CSMD1: variants seen among roughly 807,000 people sequenced by gnomAD.
The protein encoded by CSMD1 is CUB and sushi domain-containing protein 1.
Under a neutral mutation model 417.5 loss-of-function variants are expected in CSMD1, and 213 were observed. The observed-to-expected ratio is 0.51, with a 90% confidence interval of 0.46 to 0.57. The LOEUF (loss-of-function observed/expected upper bound fraction) is 0.57, where lower values mean the gene tolerates loss of function less well. CSMD1 is among the 20% of genes least tolerant of loss of function. The pLI is 0.00. For synonymous variants in CSMD1, 2,862 were observed against 1,736.8 expected, an observed-to-expected ratio of 1.65 and a Z score of -16.11; for missense variants, 6,923 against 4,529.7, an observed-to-expected ratio of 1.53 and a Z score of -15.17.
At chr8:4,152,345 G>C (rs533598568) in intron 3 of CSMD1, among the ~76,000 whole-genome samples, 9 of 152,158 alleles carry the variant, frequency 5.9e-5, no homozygotes, top group South Asian at 2.1e-4. Context: ...AAATCAGGTA[G>C]ACACGTAAGC....
intron 5 of CSMD1, among the ~76,000 whole-genome samples, chr8:3,987,735 C>T (rs953409158): frequency 6.6e-6 from 1 of 152,128 alleles, no homozygotes; most frequent in Non-Finnish European, 1.5e-5. Context: ...GCATAAAGTG[C>T]AAAATGGAAT....
chr8:4,636,570 C>G (rs1289358328), intron 2 of CSMD1, among the ~76,000 whole-genome samples: 3 of 152,084 alleles, frequency 2.0e-5, no homozygotes, highest in Non-Finnish European at 4.4e-5. Flanking sequence ...TATCTTTGTT[C>G]TTTTTCTCTC....
chr8:3,012,067 C>T (rs1808431665), intron 52 of CSMD1, among the ~76,000 whole-genome samples: 1 of 152,162 alleles, frequency 6.6e-6, no homozygotes, highest in Admixed American at 6.5e-5. Flanking sequence ...ATTTACAGAA[C>T]TCTGAACTCT....
intron 3 of CSMD1, among the ~76,000 whole-genome samples, chr8:4,415,932 G>T (rs1168370752): frequency 6.6e-6 from 1 of 152,080 alleles, no homozygotes; most frequent in African/African-American, 2.4e-5. Flanking sequence ...GATAATTTCT[G>T]CTTTCATTCC....
intron 3 of CSMD1, among the ~76,000 whole-genome samples, chr8:4,318,378 T>TA (rs1232340746): frequency 6.6e-6 from 1 of 152,154 alleles, no homozygotes; most frequent in Non-Finnish European, 1.5e-5. Context: ...CACACTCTCG[T>TA]ACACATCTCT....
At chr8:4,160,503 T>C (rs1797091183) in intron 3 of CSMD1, among the ~76,000 whole-genome samples, 1 of 152,212 alleles carries the variant, frequency 6.6e-6, no homozygotes, top group Non-Finnish European at 1.5e-5. Flanking sequence ...CGGTTGAAAG[T>C]CAGACAATCA....
At chr8:3,192,111 A>G (rs752261044) in intron 33 of CSMD1, among the ~76,000 whole-genome samples, 77 of 152,324 alleles carry the variant, frequency 5.1e-4, no homozygotes, top group Non-Finnish European at 8.4e-4. Context: ...TGATTAAACG[A>G]TGTTTCAATT....
At chr8:3,789,969 G>C (rs957323974) in intron 5 of CSMD1, among the ~76,000 whole-genome samples, 2 of 152,092 alleles carry the variant, frequency 1.3e-5, no homozygotes, top group African/African-American at 2.4e-5. Context: ...CTGACCTTGT[G>C]ATCCGCCCAC....
At chr8:4,013,205 C>G (rs1019329280) in intron 4 of CSMD1, among the ~76,000 whole-genome samples, 1 of 152,094 alleles carries the variant, frequency 6.6e-6, no homozygotes, top group Non-Finnish European at 1.5e-5. Flanking sequence ...CTCCTATCCT[C>G]TGGGATCCTC....
intron 26 of CSMD1, among the ~76,000 whole-genome samples, chr8:3,254,099 G>T (rs1456187312): frequency 2.0e-5 from 3 of 152,162 alleles, no homozygotes; most frequent in African/African-American, 4.8e-5. Flanking sequence ...GCATTTGCTT[G>T]TCTGTAAAGG....
At chr8:4,412,735 T>C (rs1232287660) in intron 3 of CSMD1, among the ~76,000 whole-genome samples, 1 of 152,182 alleles carries the variant, frequency 6.6e-6, no homozygotes, top group African/African-American at 2.4e-5. Context: ...GTTAATAAAT[T>C]ACAGCTTATA....
rs1799370704 is a variant in CSMD1 at position 3,784,908 on chromosome 8, T to C, written c.819-30866A>G. ...AAATTGTACTTTACAAACATCATTT[T>C]TGTGGTCAAAACAAGTTTCCTGTTG... On this transcript the variant is annotated intron_variant, in intron 5 of 69. Coordinates refer to ENST00000635120, the MANE Select transcript of CSMD1 (RefSeq NM_033225.6). 2.6e-5 allele frequency among the ~76,000 whole-genome samples: 4 copies of C among 152,354 alleles called. No homozygotes were observed. The South Asian group carries it at 8.3e-4, about 32-fold the overall frequency.
chr8:3,924,028 C>T (rs1206876537), intron 5 of CSMD1, among the ~76,000 whole-genome samples: 2 of 152,114 alleles, frequency 1.3e-5, no homozygotes, highest in Non-Finnish European at 2.9e-5. Flanking sequence ...AATAAGTGTC[C>T]TTTCATTTCA....
chr8:4,289,633 G>A (rs1797250068), intron 3 of CSMD1, among the ~76,000 whole-genome samples: 2 of 152,170 alleles, frequency 1.3e-5, no homozygotes, highest in Non-Finnish European at 2.9e-5. Context: ...TCTGCTGGAC[G>A]GAGTAGAGCA....
intron 2 of CSMD1, among the ~76,000 whole-genome samples, chr8:4,466,053 G>T (rs997471773): frequency 2.6e-5 from 4 of 152,192 alleles, no homozygotes; most frequent in Non-Finnish European, 4.4e-5. Flanking sequence ...ACCATCCAAT[G>T]ATAACACAAG....
chr8:3,837,619 T>C (rs186807935), intron 5 of CSMD1, among the ~76,000 whole-genome samples: 4 of 152,278 alleles, frequency 2.6e-5, no homozygotes, highest in African/African-American at 9.6e-5. Flanking sequence ...AATTCTAGCG[T>C]TTGTGGAATT....
chr8:3,062,905 C>T (rs550289080), intron 49 of CSMD1, among the ~76,000 whole-genome samples: 1 of 152,138 alleles, frequency 6.6e-6, no homozygotes, highest in East Asian at 1.9e-4. Flanking sequence ...GAGACAGGTA[C>T]AAACATTTTT....
intron 10 of CSMD1, among the ~76,000 whole-genome samples, chr8:3,539,212 G>A (rs141949699): frequency 2.6e-5 from 4 of 152,048 alleles, no homozygotes; most frequent in South Asian, 2.1e-4. Flanking sequence ...AAGGATGTTC[G>A]CAAGGCTGCC....
chr8:4,383,837 A>C (rs1336447336), intron 3 of CSMD1, among the ~76,000 whole-genome samples: 1 of 152,220 alleles, frequency 6.6e-6, no homozygotes, highest in Non-Finnish European at 1.5e-5. Flanking sequence ...GAACTTGAAA[A>C]TAATAACATG....
Sources: gnomAD v4.1 joint callset for allele counts (sites outside exome capture counted in the v4.1 genomes callset) on GRCh38, gnomAD v4.1.1 for gene constraint, MANE v1.5 for transcripts, NCBI Gene and HGNC (gene_info 2026-07-23, HGNC 2026-07-21) for gene names.